Variants in CNTNAP2 observed in about 807,000 individuals in gnomAD.
CNTNAP2 encodes contactin associated protein 2.
In CNTNAP2, 98 loss-of-function variants were observed where a neutral mutation model predicts 155.2. That is an observed-to-expected ratio of 0.63 (90% CI 0.54 to 0.75). CNTNAP2 has a LOEUF of 0.75. Among genes scored for constraint, CNTNAP2 ranks in the 30% least tolerant of loss-of-function variants. The probability of loss-of-function intolerance (pLI) is 0.00; values close to 1 mark genes in which losing one functional copy is unlikely to be tolerated. For synonymous variants in CNTNAP2, 651 were observed against 631.2 expected (o/e 1.03, Z -0.47); for missense variants, 1,727 against 1,688.1 (o/e 1.02, Z -0.40).
chr7:146,850,789 T>A (rs1794864740), intron 3 of CNTNAP2, among the ~76,000 whole-genome samples: 2 of 151,404 alleles, frequency 1.3e-5, no homozygotes, highest in Non-Finnish European at 2.9e-5. Context: ...CAAATAAAAA[T>A]AAAAAAAACT....
rs900528516 is a variant in CNTNAP2 at position 146,917,630 on chromosome 7, C to T, written c.402+77726C>T. ...ATCTCATCTTGAATTGTAGCTCGCACAATTCCCACATGTTGTGGGAGGGAC... is the reference window on the plus strand; with the variant it reads ...ATCTCATCTTGAATTGTAGCTCGCATAATTCCCACATGTTGTGGGAGGGAC... On this transcript the variant is annotated intron_variant, in intron 3 of 23. Transcript: ENST00000361727. Among the ~76,000 whole-genome samples the T allele has an allele frequency of 3.3e-5, 5 of 152,206 alleles. No individual in the cohort carries two copies. In the East Asian group the frequency reaches 9.7e-4, roughly 30 times the overall value.
intron 1 of CNTNAP2, among the ~76,000 whole-genome samples, chr7:146,120,465 T>A (rs1797545287): frequency 6.6e-6 from 1 of 152,142 alleles, no homozygotes; most frequent in Admixed American, 6.5e-5. Flanking sequence ...ATGGCAAAAT[T>A]GGGCAAAAAA....
intron 14 of CNTNAP2, among the ~76,000 whole-genome samples, chr7:147,921,997 G>A (rs550739612): frequency 5.3e-5 from 8 of 152,250 alleles, no homozygotes; most frequent in African/African-American, 9.6e-5. Flanking sequence ...CAGCCCTAGT[G>A]AAAATTGTTA....
intron 12 of CNTNAP2, among the ~76,000 whole-genome samples, chr7:147,626,697 G>A (rs970075923): frequency 1.3e-5 from 2 of 152,148 alleles, no homozygotes; most frequent in African/African-American, 4.8e-5. Flanking sequence ...CCACCTTCTG[G>A]TTGGAGGCCA....
At chr7:147,723,444 C>T (rs1172838654) in intron 13 of CNTNAP2, among the ~76,000 whole-genome samples, 1 of 151,976 alleles carries the variant, frequency 6.6e-6, no homozygotes, top group Non-Finnish European at 1.5e-5. Context: ...CAGACAAGCA[C>T]AGCTATGCTT....
At chr7:147,041,871 A>G (rs546398026) in intron 3 of CNTNAP2, among the ~76,000 whole-genome samples, 8 of 152,332 alleles carry the variant, frequency 5.3e-5, no homozygotes, top group Admixed American at 3.9e-4. Flanking sequence ...GGATTAACCC[A>G]TATCCAATTG....
At chr7:147,295,466 G>A (rs559856622) in intron 8 of CNTNAP2, among the ~76,000 whole-genome samples, 14 of 152,172 alleles carry the variant, frequency 9.2e-5, no homozygotes, top group African/African-American at 3.4e-4. Flanking sequence ...CTTACAGATT[G>A]GTAGACTCAG....
chr7:147,604,805 A>G lies in CNTNAP2; in HGVS notation c.1898-34301A>G, dbSNP rs550716556. On this transcript the variant is annotated intron_variant, in intron 12 of 23. Coordinates refer to ENST00000361727, the MANE Select transcript of CNTNAP2 (RefSeq NM_014141.6). ...TATGTTGTGGAGAGCAACACAGGCA[A>G]ACTCTGAAAACCACCCTCATGTGTG... 2.6e-5 allele frequency among the ~76,000 whole-genome samples: 4 copies of G among 152,298 alleles called. No homozygotes were observed. The South Asian group carries it at 8.3e-4, about 32-fold the overall frequency.
At chr7:146,879,961 A>C (rs1795508558) in intron 3 of CNTNAP2, among the ~76,000 whole-genome samples, 1 of 151,978 alleles carries the variant, frequency 6.6e-6, no homozygotes, top group Admixed American at 6.6e-5. Flanking sequence ...AACAAGAGCC[A>C]AGTGAAAGGG....
chr7:147,346,714 T>C (rs1000772949), intron 9 of CNTNAP2, among the ~76,000 whole-genome samples: 2 of 152,220 alleles, frequency 1.3e-5, no homozygotes, highest in Non-Finnish European at 2.9e-5. Context: ...TTAAAATTTA[T>C]AGACTGACAT....
chr7:146,471,985 T>A (rs1796805755), intron 1 of CNTNAP2, among the ~76,000 whole-genome samples: 1 of 152,202 alleles, frequency 6.6e-6, no homozygotes, highest in Non-Finnish European at 1.5e-5. Flanking sequence ...CTTGCAAGTT[T>A]GAATGAAAAT....
intron 13 of CNTNAP2, among the ~76,000 whole-genome samples, chr7:147,728,419 G>C (rs2116461420): frequency 6.6e-6 from 1 of 152,138 alleles, no homozygotes; most frequent in East Asian, 1.9e-4. Context: ...TCTTAAAGTT[G>C]TGAAGAGAAA....
At chr7:146,770,436 G>A (rs1293895303) in intron 1 of CNTNAP2, among the ~76,000 whole-genome samples, 1 of 151,656 alleles carries the variant, frequency 6.6e-6, no homozygotes, top group East Asian at 1.9e-4. Context: ...GTCCTCCAGG[G>A]AAAAATATAG....
chr7:148,284,605 C>T (rs976392423), intron 21 of CNTNAP2, among the ~76,000 whole-genome samples: 3 of 151,034 alleles, frequency 2.0e-5, no homozygotes, highest in African/African-American at 7.3e-5. Context: ...GCCTGGTCTT[C>T]TCCTTCTGGT....
chr7:146,897,734 C>T (rs1485362578), intron 3 of CNTNAP2, among the ~76,000 whole-genome samples: 2 of 152,010 alleles, frequency 1.3e-5, no homozygotes, highest in Non-Finnish European at 2.9e-5. Flanking sequence ...AAGTCAATAG[C>T]CTACCACCCA....
chr7:147,020,367 G>A (rs1252770621), intron 3 of CNTNAP2, among the ~76,000 whole-genome samples: 1 of 152,094 alleles, frequency 6.6e-6, no homozygotes, highest in Non-Finnish European at 1.5e-5. Flanking sequence ...CAATAGAAAG[G>A]CTACAGGGTT....
intron 8 of CNTNAP2, among the ~76,000 whole-genome samples, chr7:147,173,499 T>TA (rs1410843867): frequency 6.6e-6 from 1 of 152,128 alleles, no homozygotes; most frequent in Non-Finnish European, 1.5e-5. Flanking sequence ...ATTAGATTTA[T>TA]AAAAACAAAT....
At chr7:148,123,346 A>G (rs12530535) in intron 16 of CNTNAP2, among the ~76,000 whole-genome samples, 12,023 of 152,186 alleles carry the variant, frequency 0.079, 804 homozygotes, top group African/African-American at 0.18. Flanking sequence ...CCAGCACTTT[A>G]GGAGGCTGAA....
intron 8 of CNTNAP2, among the ~76,000 whole-genome samples, chr7:147,279,815 CT>C (rs1049628618): frequency 6.6e-6 from 1 of 151,844 alleles, no homozygotes; most frequent in African/African-American, 2.4e-5. Context: ...TGATTCCTGT[CT>C]TGAGGTAACT....
Sources: allele counts gnomAD v4.1 joint callset (sites outside exome capture counted in the v4.1 genomes callset), GRCh38; gene constraint gnomAD v4.1.1; transcripts MANE v1.5; gene names NCBI Gene and HGNC (gene_info 2026-07-23, HGNC 2026-07-21).